The following NCKAP5 variants were observed in gnomAD, a reference collection of about 807,000 sequenced individuals.
NCKAP5 encodes the protein nck-associated protein 5.
NCKAP5 carries 92 observed loss-of-function variants against 167.0 expected under a neutral mutation model. The ratio of observed to expected loss-of-function variants is 0.55; its 90% CI spans 0.47 to 0.66. The LOEUF is 0.66. NCKAP5 is among the 30% of genes least tolerant of loss of function. NCKAP5 has a pLI of 0.00. For synonymous variants in NCKAP5, 891 were observed against 877.4 expected (o/e 1.02, Z -0.27); for missense variants, 2,378 against 2,315.0 (o/e 1.03, Z -0.56).
chr2:133,497,058 G>A (rs144464623), intron 3 of NCKAP5, among the ~76,000 whole-genome samples: 32 of 152,298 alleles, frequency 2.1e-4, no homozygotes, highest in African/African-American at 7.5e-4. Flanking sequence ...ATTCTGGGCT[G>A]AATGAACGTG....
chr2:132,807,969 A>T (rs1401597002), intron 11 of NCKAP5, among the ~76,000 whole-genome samples: 1 of 152,006 alleles, frequency 6.6e-6, no homozygotes, highest in East Asian at 1.9e-4. Context: ...TCATAAAGGG[A>T]TGCTGGATTT....
intron 3 of NCKAP5, among the ~76,000 whole-genome samples, chr2:133,414,777 G>C (rs1265628047): frequency 1.3e-5 from 2 of 152,084 alleles, no homozygotes; most frequent in African/African-American, 2.4e-5. Context: ...TTCCTCCCAA[G>C]GAGTCTATGA....
At chr2:132,673,365 T>G in intron 19 of NCKAP5, 60 bp from the exon 20 acceptor site, 3 of 1,293,666 alleles carry the variant, frequency 2.3e-6, no homozygotes, top group South Asian at 1.4e-5. Flanking sequence ...AGTTATCCTA[T>G]CTAATATTCA....
At chr2:132,878,402 C>T (rs576683487) in intron 9 of NCKAP5, among the ~76,000 whole-genome samples, 43 of 152,156 alleles carry the variant, frequency 2.8e-4, no homozygotes, top group African/African-American at 8.7e-4. Context: ...TCATCCCCAC[C>T]CACTCTATCA....
intron 5 of NCKAP5, among the ~76,000 whole-genome samples, chr2:133,195,291 A>G (rs145789151): frequency 2.5e-4 from 38 of 152,298 alleles, no homozygotes; most frequent in African/African-American, 7.9e-4. Flanking sequence ...AAGTTTCAGA[A>G]TATATGATTA....
At chr2:132,855,792 T>G (rs1689418770) in intron 11 of NCKAP5, among the ~76,000 whole-genome samples, 1 of 152,228 alleles carries the variant, frequency 6.6e-6, no homozygotes, top group Non-Finnish European at 1.5e-5. Context: ...TCTTTTCATC[T>G]TTTTGTCTCA....
chr2:133,578,421 A>G, the NCKAP5 span, among the ~76,000 whole-genome samples: 28,654 of 152,230 alleles, frequency 0.19, 2,955 homozygotes, highest in Non-Finnish European at 0.22. Context: ...AGACGCAGAC[A>G]TGCACTGCAT....
At chr2:133,323,418 G>C (rs945163655) in intron 3 of NCKAP5, among the ~76,000 whole-genome samples, 2 of 152,104 alleles carry the variant, frequency 1.3e-5, no homozygotes, top group South Asian at 4.1e-4. Flanking sequence ...AGCATCTCAG[G>C]GTTTTCCTCC....
At chr2:132,902,092 A>G (rs1693671897) in intron 8 of NCKAP5, among the ~76,000 whole-genome samples, 2 of 152,206 alleles carry the variant, frequency 1.3e-5, no homozygotes, top group Admixed American at 6.5e-5. Context: ...ATTACTGTGA[A>G]TCACCATGAT....
At chr2:132,731,662 C>CTCA in intron 17 of NCKAP5, 75 bp downstream of exon 17, 1 of 1,460,570 alleles carries the variant, frequency 6.8e-7, no homozygotes, top group East Asian at 2.3e-5. Flanking sequence ...CACTGACTTA[C>CTCA]TCATCTCCTG....
intron 6 of NCKAP5, among the ~76,000 whole-genome samples, chr2:133,060,760 G>A (rs376274332): frequency 7.6e-4 from 116 of 152,238 alleles, no homozygotes; most frequent in Non-Finnish European, 1.4e-3. Flanking sequence ...ATAAAGAAAC[G>A]TCTTTCTTTT....
At chr2:133,028,168 T>C (rs1459108006) in intron 6 of NCKAP5, among the ~76,000 whole-genome samples, 1 of 152,226 alleles carries the variant, frequency 6.6e-6, no homozygotes. Context: ...GATACTTATC[T>C]TGTATTACTG....
At chr2:133,204,035 T>C (rs919364435) in intron 5 of NCKAP5, among the ~76,000 whole-genome samples, 2 of 152,228 alleles carry the variant, frequency 1.3e-5, no homozygotes, top group Non-Finnish European at 2.9e-5. Flanking sequence ...CTACTCTCTA[T>C]CTTTTACCTT....
intron 2 of NCKAP5, among the ~76,000 whole-genome samples, chr2:133,528,863 C>A (rs1047460321): frequency 1.3e-5 from 2 of 152,182 alleles, no homozygotes; most frequent in African/African-American, 2.4e-5. Context: ...CTCTTCTTGC[C>A]GCTTCCAGTG....
At chr2:133,199,559 C>G (rs1033088456) in intron 5 of NCKAP5, among the ~76,000 whole-genome samples, 2 of 151,970 alleles carry the variant, frequency 1.3e-5, no homozygotes, top group Non-Finnish European at 2.9e-5. Context: ...AAAAATAAAA[C>G]TGACTATTTC....
the NCKAP5 span, among the ~76,000 whole-genome samples, chr2:133,667,980 T>G: frequency 6.6e-6 from 1 of 152,134 alleles, no homozygotes; most frequent in Non-Finnish European, 1.5e-5. Flanking sequence ...ATTGTCTACT[T>G]TATTTTTCTA....
rs554929458 is a variant in NCKAP5 at position 132,836,481 on chromosome 2, C to G, written c.807+24011G>C. 1.5e-4 allele frequency among the ~76,000 whole-genome samples: 23 copies of G among 151,552 alleles called. No homozygotes were observed. The South Asian group carries it at 2.1e-3, about 14-fold the overall frequency. On this transcript the variant is annotated intron_variant, in intron 11 of 19. Transcript: ENST00000409261. ...AAATGTGATTTTTTTCCTTGAAAAC[C>G]TGTATGTTTCCCTCAACTCTCCAAC...
chr2:133,401,508 A>C (rs1688096567), intron 3 of NCKAP5, among the ~76,000 whole-genome samples: 3 of 152,112 alleles, frequency 2.0e-5, no homozygotes, highest in Non-Finnish European at 4.4e-5. Context: ...TTTGATGCTA[A>C]CTCAAGGTAG....
the NCKAP5 span, among the ~76,000 whole-genome samples, chr2:133,633,128 G>T: frequency 6.6e-6 from 1 of 152,168 alleles, no homozygotes; most frequent in Non-Finnish European, 1.5e-5. Context: ...ACTTGGGGAA[G>T]ATGACACAAG....
Sources: gnomAD v4.1 joint callset for allele counts (sites outside exome capture counted in the v4.1 genomes callset) on GRCh38, gnomAD v4.1.1 for gene constraint, MANE v1.5 for transcripts, NCBI Gene and HGNC (gene_info 2026-07-23, HGNC 2026-07-21) for gene names.